STK10: variants seen among roughly 807,000 people sequenced by gnomAD.
STK10 encodes serine/threonine-protein kinase 10.
A neutral mutation model predicts 113.8 loss-of-function variants in STK10; 78 were observed. That is an observed-to-expected ratio of 0.69 (90% CI 0.57 to 0.83). STK10 has a LOEUF of 0.83. STK10 is among the 40% of genes least tolerant of loss of function. The probability of loss-of-function intolerance (pLI) is 0.00; values close to 1 mark genes in which losing one functional copy is unlikely to be tolerated. For missense variants in STK10, 1,109 were observed against 1,280.1 expected, an observed-to-expected ratio of 0.87 and a Z score of 2.04; for synonymous variants, 465 against 494.7, an observed-to-expected ratio of 0.94 and a Z score of 0.80.
In STK10 at chr5:172,117,542, G is replaced by A. The variant is rs759163472; in HGVS notation, c.459C>T (p.Ile153=). The A allele has an allele frequency of 2.5e-5, 40 of 1,613,306 alleles. No individual in the cohort carries two copies. Among genetic ancestry groups the A allele is most frequent in the Non-Finnish European group, 3.4e-5 (40 of 1,179,920 alleles). The part of the protein sequence containing the change: ...EALNFLHSKR[I]IHRDLKAGNV... ...TGCCAGCTTTCAGATCTCGGTGGAT[G>A]ATCCTCTTGCTGTGCAGGAAGTTGA... Residue 153 remains isoleucine (I), a synonymous_variant, in exon 4 of 19, where the codon ATC becomes ATT. Coordinates refer to ENST00000176763, the MANE Select transcript of STK10 (RefSeq NM_005990.4).
At chr5:172,102,418 T>C (rs79074982) in intron 7 of STK10, among the ~76,000 whole-genome samples, 14,686 of 152,134 alleles carry the variant, frequency 0.097, 834 homozygotes, top group East Asian at 0.12. Flanking sequence ...GCGTTCAGTG[T>C]GAGATGCCCA....
chr5:172,048,141 C>T (rs1479184162), intron 18 of STK10, among the ~76,000 whole-genome samples: 2 of 152,120 alleles, frequency 1.3e-5, no homozygotes, highest in African/African-American at 4.8e-5. Context: ...CAAACACCAG[C>T]TAGATGTCAC....
intron 1 of STK10, among the ~76,000 whole-genome samples, chr5:172,162,961 C>T (rs898626607): frequency 2.6e-5 from 4 of 152,216 alleles, no homozygotes; most frequent in Non-Finnish European, 5.9e-5. Flanking sequence ...AAGGCACGCC[C>T]GCTACCCAGC....
At position 172,057,537 on chromosome 5, in the gene STK10, C is replaced by T. The variant is rs895294950; in HGVS notation, c.2213-64G>A. On this transcript the variant is annotated intron_variant, in intron 14 of 18. Transcript: ENST00000176763. ...AACCAGAGACTCGACAGGCCCCCTGCCCCCCACCTCTGCCTGGCCTCCTCA... is the reference window on the plus strand; with the variant it reads ...AACCAGAGACTCGACAGGCCCCCTGTCCCCCACCTCTGCCTGGCCTCCTCA... 8 of 1,517,074 alleles carry T rather than the reference C, an allele frequency of 5.3e-6. No homozygotes were observed. The African/African-American group carries it at 8.3e-5, about 16-fold the overall frequency. 94.0% of individuals were successfully genotyped at this position (1,517,074 alleles called of 1,614,324 possible). A position where few individuals can be genotyped will look rare whatever the true frequency, so the allele number is the denominator to read the frequency against.
intron 1 of STK10, among the ~76,000 whole-genome samples, chr5:172,184,977 A>G (rs1422678819): frequency 6.6e-6 from 1 of 151,854 alleles, no homozygotes; most frequent in Non-Finnish European, 1.5e-5. Context: ...TCACTTTTTT[A>G]AAAACTGACT....
At chr5:172,076,679 G>A (rs952759191) in intron 12 of STK10, among the ~76,000 whole-genome samples, 5 of 152,170 alleles carry the variant, frequency 3.3e-5, no homozygotes, top group Non-Finnish European at 5.9e-5. Context: ...TGTCTTAGAA[G>A]TCCTAGTAAA....
intron 18 of STK10, among the ~76,000 whole-genome samples, chr5:172,052,112 T>G (rs1180346999): frequency 1.3e-5 from 2 of 152,176 alleles, no homozygotes; most frequent in African/African-American, 4.8e-5. Flanking sequence ...CCCGTGACCC[T>G]GATTTAATCA....
chr5:172,155,272 TG>T (rs1304167145), intron 2 of STK10, among the ~76,000 whole-genome samples: 4 of 152,040 alleles, frequency 2.6e-5, no homozygotes, highest in Non-Finnish European at 5.9e-5. Context: ...CCGAGGCAGG[TG>T]GATCTCCTGA....
intron 12 of STK10, among the ~76,000 whole-genome samples, chr5:172,070,573 T>C (rs1217198378): frequency 6.6e-6 from 1 of 152,052 alleles, no homozygotes; most frequent in Non-Finnish European, 1.5e-5. Flanking sequence ...CTAAATGAGC[T>C]TCTACATTAA....
At chr5:172,062,863 T>C (rs758307677) in intron 13 of STK10, among the ~76,000 whole-genome samples, 1 of 152,276 alleles carries the variant, frequency 6.6e-6, no homozygotes, top group East Asian at 1.9e-4. Context: ...CACTACACTG[T>C]ACACTTAATA....
chr5:172,115,366 G>C (rs187282491), intron 4 of STK10, among the ~76,000 whole-genome samples: 2 of 152,200 alleles, frequency 1.3e-5, no homozygotes, highest in East Asian at 3.8e-4. Flanking sequence ...TGTGAAACTA[G>C]ATGGTATCCT....
rs375737768 is a variant in STK10, at chr5:172,185,244, G to GA, written c.156+2642dup. Among the ~76,000 whole-genome samples the GA allele has an allele frequency of 2.7e-4, 40 of 147,670 alleles. 1 individual carries two copies. The highest frequency in any genetic ancestry group is 9.9e-4 in the East Asian group (5 of 5,064). On this transcript the variant is annotated intron_variant, in intron 1 of 18. Transcript: ENST00000176763. The stretch of plus-strand genomic sequence containing the variant: ...AATGCAATTGAAAGCCCCTAACGGA[G>GA]AAAAAAAAAAGCCCATATGTTTGTT...
chr5:172,160,135 C>CA (rs370080458), intron 1 of STK10, among the ~76,000 whole-genome samples: 5,928 of 129,054 alleles, frequency 0.046, 395 homozygotes, highest in African/African-American at 0.16. Context: ...GACTCTGTCT[C>CA]AAAAAAAAAA....
intron 12 of STK10, among the ~76,000 whole-genome samples, chr5:172,077,492 C>T (rs1454247605): frequency 2.0e-5 from 3 of 152,128 alleles, no homozygotes; most frequent in African/African-American, 7.2e-5. Flanking sequence ...GAGTAGCAGA[C>T]CATCAAGTCC....
At chr5:172,119,842 C>G (rs371825721) in intron 3 of STK10, among the ~76,000 whole-genome samples, 7 of 148,954 alleles carry the variant, frequency 4.7e-5, no homozygotes, top group African/African-American at 1.8e-4. Flanking sequence ...CCAGCCTGGG[C>G]GACAGAGCGA....
intron 4 of STK10, among the ~76,000 whole-genome samples, chr5:172,116,919 GT>G (rs1308100351): frequency 6.6e-6 from 1 of 152,062 alleles, no homozygotes; most frequent in Non-Finnish European, 1.5e-5. Flanking sequence ...ATGTCCTACT[GT>G]TTTCCCTCTG....
chr5:172,142,112 C>T lies in STK10; in HGVS notation c.321+14512G>A, dbSNP rs187152717. On this transcript the variant is annotated intron_variant, in intron 2 of 18. Transcript: ENST00000176763. ...TGGATGGTTATCTCCACCTGCTAGG[C>T]GGGGATAAATGAGACAGCACACGTC... Among the ~76,000 whole-genome samples, 190 of 152,206 alleles carry T rather than the reference C, an allele frequency of 1.2e-3. 1 individual carries two copies. The Middle Eastern group carries it at 0.014, about 11-fold the overall frequency.
Position 172,156,766 on chromosome 5 carries a change from GC to G in STK10, c.178del (p.Ala60LeufsTer35), listed in dbSNP as rs780582739. On this transcript the variant is annotated frameshift_variant, in exon 2 of 19. Coordinates refer to ENST00000176763, the MANE Select transcript of STK10 (RefSeq NM_005990.4). LOFTEE classifies it high-confidence loss of function. ...TTCAATGACTTTGGCCGCAGCCAAAGCACCCGTCTCCTTATTCTTGGCCTGC... is the reference window on the plus strand; with the variant it reads ...TTCAATGACTTTGGCCGCAGCCAAAGACCCGTCTCCTTATTCTTGGCCTGC... The part of the protein sequence containing the change: ...VYKAKNKETG[A>X]LAAAKVIETK... 1 of 1,613,950 alleles carries G rather than the reference GC, an allele frequency of 6.2e-7. No homozygotes were observed. The highest frequency in any genetic ancestry group is 8.5e-7 in the Non-Finnish European group (1 of 1,179,868).
rs768222445 is a variant in STK10 at position 172,055,751 on chromosome 5, T to C, written c.2363A>G (p.Asn788Ser). ...CTTCAGCTGCTCTATCATGCGCTGG[T>C]TGTAGCGCTGCATCTGCTCCCGCTC... ...EKEREQMQRY[N>S]QRMIEQLKVR... is the part of the protein sequence containing the mutation. Residue 788 changes from asparagine (N) to serine (S), a missense_variant, in exon 16 of 19, where the codon AAC becomes AGC. This residue lies in a region of STK10 where 885 missense variants were observed against 991.1 expected (regional missense o/e 0.89). Transcript: ENST00000176763. The C allele has an allele frequency of 2.6e-6, 4 of 1,527,348 alleles. No homozygotes were observed. Among genetic ancestry groups the C allele is most frequent in the Non-Finnish European group, 3.5e-6 (4 of 1,129,952 alleles). 94.6% of individuals were successfully genotyped at this position (1,527,348 alleles called of 1,614,324 possible). A position where few individuals can be genotyped will look rare whatever the true frequency, so the allele number is the denominator to read the frequency against.
Sources: gnomAD v4.1 joint callset for allele counts (sites outside exome capture counted in the v4.1 genomes callset) on GRCh38, gnomAD v4.1.1 for gene constraint, gnomAD v4.1.1 regional missense constraint, MANE v1.5 for transcripts, NCBI Gene and HGNC (gene_info 2026-07-23, HGNC 2026-07-21) for gene names.